CTNND2: variants seen among roughly 807,000 people sequenced by gnomAD.
CTNND2 encodes the protein catenin delta-2.
Under a neutral mutation model 144.4 loss-of-function variants are expected in CTNND2, and 22 were observed. The ratio of observed to expected loss-of-function variants is 0.15; its 90% CI spans 0.11 to 0.22. The LOEUF is 0.22. Among genes scored for constraint, CTNND2 ranks in the 10% least tolerant of loss-of-function variants. The probability of loss-of-function intolerance (pLI) is 1.00; values close to 1 mark genes in which losing one functional copy is unlikely to be tolerated. For synonymous variants in CTNND2, 751 were observed against 695.6 expected (o/e 1.08, Z -1.25); for missense variants, 1,353 against 1,618.8 (o/e 0.84, Z 2.82).
chr5:11,058,444 T>C (rs932861100), intron 16 of CTNND2, among the ~76,000 whole-genome samples: 1 of 152,196 alleles, frequency 6.6e-6, no homozygotes, highest in Non-Finnish European at 1.5e-5. Flanking sequence ...TCTCATGTGG[T>C]GTTGAGACTG....
chr5:11,838,226 T>G (rs1561846894), intron 1 of CTNND2, among the ~76,000 whole-genome samples: 1 of 152,228 alleles, frequency 6.6e-6, no homozygotes, highest in Admixed American at 6.5e-5. Context: ...TCAGGCCTTT[T>G]GTTTCCACCA....
intron 3 of CTNND2, among the ~76,000 whole-genome samples, chr5:11,476,485 G>T (rs959395643): frequency 8.5e-5 from 13 of 152,092 alleles, no homozygotes; most frequent in Admixed American, 6.5e-4. Context: ...CTATGGCCAG[G>T]TGGAGGCAAA....
intron 1 of CTNND2, among the ~76,000 whole-genome samples, chr5:11,811,104 T>G (rs1792306800): frequency 6.6e-6 from 1 of 152,164 alleles, no homozygotes; most frequent in Non-Finnish European, 1.5e-5. Context: ...TTCATTGAGT[T>G]TCCTAGGAAC....
chr5:11,780,465 T>C (rs1053737117), intron 1 of CTNND2, among the ~76,000 whole-genome samples: 1 of 152,106 alleles, frequency 6.6e-6, no homozygotes, highest in Non-Finnish European at 1.5e-5. Flanking sequence ...CCAGCAAACT[T>C]TGCCCACAGC....
intron 9 of CTNND2, among the ~76,000 whole-genome samples, chr5:11,237,059 G>A (rs1448801615): frequency 2.1e-5 from 3 of 145,502 alleles, no homozygotes; most frequent in Non-Finnish European, 4.5e-5. Context: ...TCACTCTGTC[G>A]CCCAGGCTGG....
intron 16 of CTNND2, among the ~76,000 whole-genome samples, chr5:11,023,871 C>T (rs1742545020): frequency 6.6e-6 from 1 of 152,206 alleles, no homozygotes; most frequent in African/African-American, 2.4e-5. Flanking sequence ...ATTTATCCCA[C>T]CTGCAGCTTC....
intron 1 of CTNND2, among the ~76,000 whole-genome samples, chr5:11,765,660 G>T (rs1789541633): frequency 6.6e-6 from 1 of 152,078 alleles, no homozygotes; most frequent in Non-Finnish European, 1.5e-5. Context: ...GCTATTATAA[G>T]GCTCTTGGGG....
At chr5:11,358,152 C>T (rs2149759962) in intron 8 of CTNND2, among the ~76,000 whole-genome samples, 1 of 152,196 alleles carries the variant, frequency 6.6e-6, no homozygotes, top group Non-Finnish European at 1.5e-5. Flanking sequence ...CAGGTCAAGG[C>T]CAGCTGTGTA....
intron 2 of CTNND2, among the ~76,000 whole-genome samples, chr5:11,711,518 T>C (rs1397134917): frequency 6.6e-6 from 1 of 152,222 alleles, no homozygotes; most frequent in Non-Finnish European, 1.5e-5. Flanking sequence ...TATTCTTATG[T>C]TAATGGCACA....
intron 1 of CTNND2, among the ~76,000 whole-genome samples, chr5:11,809,060 G>T (rs1792170335): frequency 6.6e-6 from 1 of 152,158 alleles, no homozygotes; most frequent in South Asian, 2.1e-4. Context: ...AATGCTGCAG[G>T]TTGAGCATTG....
intron 10 of CTNND2, among the ~76,000 whole-genome samples, chr5:11,216,862 C>T (rs1200707358): frequency 6.6e-6 from 1 of 152,206 alleles, no homozygotes; most frequent in Non-Finnish European, 1.5e-5. Flanking sequence ...CCAAGCTGCT[C>T]CCTCCAGGAG....
At chr5:11,209,954 T>G (rs1346862654) in intron 10 of CTNND2, among the ~76,000 whole-genome samples, 2 of 151,896 alleles carry the variant, frequency 1.3e-5, no homozygotes, top group Non-Finnish European at 2.9e-5. Context: ...TAAATATAAT[T>G]TTAATATATC....
chr5:11,411,999 A>G, intron 4 of CTNND2, 36 bp downstream of exon 4: 7 of 1,549,764 alleles, frequency 4.5e-6, no homozygotes, highest in Non-Finnish European at 6.2e-6. Flanking sequence ...AGATATGTTT[A>G]GAAGTGTAAG....
intron 1 of CTNND2, among the ~76,000 whole-genome samples, chr5:11,865,949 C>T (rs1188385540): frequency 7.1e-6 from 1 of 141,188 alleles, no homozygotes; most frequent in African/African-American, 2.6e-5. Context: ...GAAAGGAACA[C>T]AGCCCTAGTG....
At chr5:11,823,617 T>G (rs1190647955) in intron 1 of CTNND2, among the ~76,000 whole-genome samples, 1 of 152,192 alleles carries the variant, frequency 6.6e-6, no homozygotes, top group Non-Finnish European at 1.5e-5. Context: ...GCTATACTTT[T>G]TTATATAATA....
chr5:11,348,155 C>T (rs1182182588), intron 8 of CTNND2, among the ~76,000 whole-genome samples: 2 of 152,098 alleles, frequency 1.3e-5, no homozygotes, highest in Non-Finnish European at 2.9e-5. Flanking sequence ...TGTGTTAAGT[C>T]TCAAAATAAT....
intron 1 of CTNND2, among the ~76,000 whole-genome samples, chr5:11,744,526 T>C (rs548364677): frequency 6.6e-6 from 1 of 152,176 alleles, no homozygotes; most frequent in South Asian, 2.1e-4. Flanking sequence ...AGGATCAGAA[T>C]AAATGTATAT....
At chr5:11,743,434 A>G (rs931517961) in intron 1 of CTNND2, among the ~76,000 whole-genome samples, 2 of 152,210 alleles carry the variant, frequency 1.3e-5, no homozygotes, top group African/African-American at 4.8e-5. Flanking sequence ...AATGATGTAC[A>G]CTTTGGGTAA....
chr5:11,155,907 AG>A (rs755069016), intron 12 of CTNND2, among the ~76,000 whole-genome samples: 1 of 152,242 alleles, frequency 6.6e-6, no homozygotes, highest in Non-Finnish European at 1.5e-5. Context: ...AACATGATAT[AG>A]CTTCCCATGA....
Sources: allele counts gnomAD v4.1 joint callset (sites outside exome capture counted in the v4.1 genomes callset), GRCh38; gene constraint gnomAD v4.1.1; transcripts MANE v1.5; gene names NCBI Gene and HGNC (gene_info 2026-07-23, HGNC 2026-07-21).